Variants in IGSF10 observed in about 807,000 individuals in gnomAD.
IGSF10 encodes the protein calvaria mechanical force protein 608.
Under a neutral mutation model 128.2 loss-of-function variants are expected in IGSF10, and 126 were observed. The ratio of observed to expected loss-of-function variants is 0.98; its 90% CI spans 0.85 to 1.14. IGSF10 has a LOEUF of 1.14. Among genes scored for constraint, IGSF10 ranks in the 50% most tolerant of loss-of-function variants. The pLI is 0.00. For missense variants in IGSF10, 3,295 were observed against 3,149.8 expected, an observed-to-expected ratio of 1.05 and a Z score of -1.10; for synonymous variants, 1,185 against 1,146.2, an observed-to-expected ratio of 1.03 and a Z score of -0.68.
rs761848514 is a variant in IGSF10 at position 151,446,440 on chromosome 3, G to T, written c.3541C>A (p.Leu1181Ile). Residue 1181 changes from leucine to isoleucine, a missense_variant, in exon 6 of 8, where the codon CTT becomes ATT. Transcript: ENST00000282466. ...AKRDSVITSS[L>I]SGAITKPPMT... ...GGTGGCTTGGTGATAGCACCTGAAAGTGACGATGTAATCACTGAATCTCTT... is the reference window on the plus strand; with the variant it reads ...GGTGGCTTGGTGATAGCACCTGAAATTGACGATGTAATCACTGAATCTCTT... 3.1e-6 allele frequency: 5 copies of T among 1,614,120 alleles called. No individual in the cohort carries two copies. In the Admixed American group the frequency reaches 6.7e-5, roughly 22 times the overall value.
In IGSF10 at chr3:151,448,379, T is replaced by C. The variant is rs1721331416; in HGVS notation, c.1602A>G (p.Gly534=). 1.2e-6 allele frequency: 2 copies of C among 1,614,228 alleles called. No homozygotes were observed. The highest frequency in any genetic ancestry group is 1.1e-5 in the South Asian group (1 of 91,088). ...TATCAGCCATCTGGAGTTCCAATTT[T>C]CCACTTTTGTCTATTAGGATCCGTC... is the stretch of plus-strand genomic sequence containing the variant. The part of the protein sequence containing the change: ...EDGRILIDKS[G]KLELQMADSF... Residue 534 remains glycine (G), a synonymous_variant, in exon 6 of 8, where the codon GGA becomes GGG. Coordinates refer to ENST00000282466, the MANE Select transcript of IGSF10 (RefSeq NM_178822.5).
chr3:151,553,634 C>CTA, the IGSF10 span, among the ~76,000 whole-genome samples: 14 of 149,624 alleles, frequency 9.4e-5, no homozygotes, highest in Admixed American at 2.0e-4. Flanking sequence ...CTCTCTCTTT[C>CTA]TATATATATA....
In IGSF10 at chr3:151,436,211, A is replaced by G. The variant is rs1394282185; in HGVS notation, c.*478T>C. On this transcript the variant is annotated 3_prime_UTR_variant, in exon 8 of 8. Coordinates refer to ENST00000282466, the MANE Select transcript of IGSF10 (RefSeq NM_178822.5). ...AGACAGTTCAGTGCTTATTTTCTGT[A>G]GGTTTTAGCAAAAAAATTTATAAAC... is the stretch of plus-strand genomic sequence containing the variant. 3.3e-5 allele frequency: 5 copies of G among 153,832 alleles called. No homozygotes were observed. The highest frequency in any genetic ancestry group is 2.4e-5 in the African/African-American group (1 of 41,450). 9.5% of individuals were successfully genotyped at this position (153,832 alleles called of 1,614,324 possible). A position where few individuals can be genotyped will look rare whatever the true frequency, so the allele number is the denominator to read the frequency against.
chr3:151,582,056 G>A, the IGSF10 span, among the ~76,000 whole-genome samples: 4 of 151,822 alleles, frequency 2.6e-5, no homozygotes, highest in African/African-American at 2.4e-5. Context: ...ACAGAGTGAG[G>A]CTCTGTCTCA....
At chr3:151,596,550 T>C in the IGSF10 span, among the ~76,000 whole-genome samples, 1 of 152,160 alleles carries the variant, frequency 6.6e-6, no homozygotes, top group Non-Finnish European at 1.5e-5. Context: ...CTTGCTACAA[T>C]TGCCTATGTG....
intron 7 of IGSF10, 117 bp from the exon 8 acceptor site, chr3:151,438,714 G>C: frequency 1.4e-6 from 1 of 691,964 alleles, no homozygotes; most frequent in Non-Finnish European, 2.4e-6. Flanking sequence ...TGAAAATTGT[G>C]TATCTTTGAG....
At chr3:151,615,463 A>C in the IGSF10 span, among the ~76,000 whole-genome samples, 1 of 152,186 alleles carries the variant, frequency 6.6e-6, no homozygotes. Context: ...GCTGTGTCTT[A>C]ATTACTTTAC....
chr3:151,546,104 C>A, the IGSF10 span, among the ~76,000 whole-genome samples: 1 of 150,588 alleles, frequency 6.6e-6, no homozygotes, highest in Non-Finnish European at 1.5e-5. Context: ...TATTGCTGAA[C>A]CCAGCTTTAG....
Position 151,437,562 on chromosome 3 carries a change from C to T in IGSF10, c.6999G>A (p.Met2333Ile). 1 of 1,614,184 alleles carries T rather than the reference C, an allele frequency of 6.2e-7. No homozygotes were observed. The stretch of plus-strand genomic sequence containing the variant: ...GATTTCTAAATGTCGGTCTTCTCAG[C>T]ATTTCCAGTACTTCTAACTGTACTA... ...VLVVQLEVLE[M>I]LRRPTFRNPF... The change falls in exon 8 of 8, where the codon ATG becomes ATA. Residue 2333 changes from methionine to isoleucine, a missense_variant. Transcript: ENST00000282466.
At chr3:151,485,492 A>G in the IGSF10 span, among the ~76,000 whole-genome samples, 3 of 152,204 alleles carry the variant, frequency 2.0e-5, no homozygotes, top group Non-Finnish European at 2.9e-5. Flanking sequence ...CCCAAGACAC[A>G]TAATCACCAG....
At chr3:151,551,888 T>A in the IGSF10 span, among the ~76,000 whole-genome samples, 2 of 152,204 alleles carry the variant, frequency 1.3e-5, no homozygotes, top group African/African-American at 4.8e-5. Context: ...TAGTCTTAGC[T>A]GTGATTCAAA....
At chr3:151,552,812 A>G in the IGSF10 span, among the ~76,000 whole-genome samples, 2 of 152,324 alleles carry the variant, frequency 1.3e-5, no homozygotes, top group South Asian at 2.1e-4. Context: ...CCTAAAAGAA[A>G]TGACTGCAGT....
the IGSF10 span, among the ~76,000 whole-genome samples, chr3:151,518,670 A>G: frequency 6.6e-6 from 1 of 151,626 alleles, no homozygotes; most frequent in African/African-American, 2.4e-5. Flanking sequence ...CTTTATCTGC[A>G]TGTTGTTTTA....
the IGSF10 span, among the ~76,000 whole-genome samples, chr3:151,512,203 CAT>C: frequency 6.6e-6 from 1 of 152,132 alleles, no homozygotes; most frequent in African/African-American, 2.4e-5. Context: ...AAATTGACCA[CAT>C]AGTTGGAAGT....
the IGSF10 span, among the ~76,000 whole-genome samples, chr3:151,607,106 T>G: frequency 5.3e-5 from 8 of 152,310 alleles, no homozygotes; most frequent in East Asian, 1.5e-3. Context: ...CTTTCAACTC[T>G]AATATTCTTG....
At chr3:151,486,130 AAAAACAAAAC>A in the IGSF10 span, among the ~76,000 whole-genome samples, 1 of 152,128 alleles carries the variant, frequency 6.6e-6, no homozygotes, top group East Asian at 1.9e-4. Flanking sequence ...ATGGAAAGCA[AAAAACAAAAC>A]AAAACAAAAC....
At chr3:151,560,100 CT>C in the IGSF10 span, among the ~76,000 whole-genome samples, 95 of 152,178 alleles carry the variant, frequency 6.2e-4, 1 homozygote, top group East Asian at 0.017. Flanking sequence ...CAAAATATGC[CT>C]TTTTGGTATA....
the IGSF10 span, among the ~76,000 whole-genome samples, chr3:151,500,951 G>C: frequency 6.6e-6 from 1 of 151,788 alleles, no homozygotes; most frequent in Non-Finnish European, 1.5e-5. Flanking sequence ...TTCCCTTCAG[G>C]GAAAGGTGCT....
the IGSF10 span, among the ~76,000 whole-genome samples, chr3:151,478,401 A>C: frequency 6.6e-6 from 1 of 152,250 alleles, no homozygotes; most frequent in East Asian, 1.9e-4. Context: ...CTAAATATCT[A>C]AACATTGCTT....
Sources: allele counts gnomAD v4.1 joint callset (sites outside exome capture counted in the v4.1 genomes callset), GRCh38; gene constraint gnomAD v4.1.1; transcripts MANE v1.5; gene names NCBI Gene and HGNC (gene_info 2026-07-23, HGNC 2026-07-21).